SOX5: variants seen among roughly 807,000 people sequenced by gnomAD.
SOX5 encodes SRY-box transcription factor 5, also known as transcription factor SOX-5.
Under a neutral mutation model 92.0 loss-of-function variants are expected in SOX5, and 9 were observed. The observed-to-expected ratio is 0.10, with a 90% CI of 0.06 to 0.17. SOX5 has a LOEUF of 0.17. Ranked by LOEUF, SOX5 falls within the 10% of genes least tolerant of loss-of-function variation. The pLI, the probability that SOX5 is intolerant of heterozygous loss-of-function variation, is 1.00. For missense variants in SOX5, 642 were observed against 944.5 expected (o/e 0.68, Z 4.20); for synonymous variants, 344 against 336.3 (o/e 1.02, Z -0.25).
chr12:24,004,032 C>T (rs1407711472), intron 4 of SOX5, among the ~76,000 whole-genome samples: 1 of 151,876 alleles, frequency 6.6e-6, no homozygotes, highest in East Asian at 1.9e-4. Context: ...CACTAAGGTG[C>T]CAAAGCAATT....
At chr12:24,000,379 T>A (rs937929439) in intron 4 of SOX5, among the ~76,000 whole-genome samples, 2 of 152,044 alleles carry the variant, frequency 1.3e-5, no homozygotes, top group South Asian at 2.1e-4. Flanking sequence ...TATTTCTTAG[T>A]ATATATGTAA....
chr12:24,098,919 A>G (rs1201852857), intron 4 of SOX5, among the ~76,000 whole-genome samples: 1 of 152,130 alleles, frequency 6.6e-6, no homozygotes, highest in African/African-American at 2.4e-5. Flanking sequence ...TTTCTTGTTC[A>G]CTGGGTTTCA....
intron 6 of SOX5, among the ~76,000 whole-genome samples, chr12:23,711,620 T>C (rs1215956023): frequency 1.3e-5 from 2 of 152,214 alleles, no homozygotes; most frequent in African/African-American, 4.8e-5. Flanking sequence ...AAACTTGATA[T>C]AGCTTATAAA....
At chr12:24,152,631 C>A (rs1469169948) in intron 4 of SOX5, among the ~76,000 whole-genome samples, 2 of 151,950 alleles carry the variant, frequency 1.3e-5, no homozygotes, top group Admixed American at 1.3e-4. Context: ...GCTTACCCAC[C>A]AACATGAACA....
intron 4 of SOX5, among the ~76,000 whole-genome samples, chr12:24,113,344 T>G (rs1947600470): frequency 6.6e-6 from 1 of 150,898 alleles, no homozygotes; most frequent in Non-Finnish European, 1.5e-5. Flanking sequence ...TATTTTGAAA[T>G]GGTGAACAAC....
intron 2 of SOX5, among the ~76,000 whole-genome samples, chr12:24,325,260 G>C (rs1461717861): frequency 6.6e-6 from 1 of 152,096 alleles, no homozygotes; most frequent in Non-Finnish European, 1.5e-5. Flanking sequence ...TTTCAGTTGG[G>C]CTGATACCAT....
intron 8 of SOX5, among the ~76,000 whole-genome samples, chr12:23,625,497 T>C (rs76383872): frequency 0.023 from 3,530 of 152,334 alleles, 117 homozygotes; most frequent in African/African-American, 0.078. Flanking sequence ...CAGATATCTT[T>C]TTCTTTGATA....
rs531940908 is a variant in SOX5 at position 24,386,740 on chromosome 12, T to C, written c.-250-18101A>G. 3.3e-5 allele frequency among the ~76,000 whole-genome samples: 5 copies of C among 152,276 alleles called. No individual in the cohort carries two copies. The South Asian group carries it at 1.0e-3, about 32-fold the overall frequency. On this transcript the variant is annotated intron_variant, in intron 1 of 4. Transcript: ENST00000446891. ...AGTTAATTAAAATTACAATAGCACT[T>C]GTAGAAATAAAGAACAAGGAATCTA...
intron 3 of SOX5, among the ~76,000 whole-genome samples, chr12:24,248,009 G>C (rs1324719964): frequency 6.6e-6 from 1 of 152,082 alleles, no homozygotes; most frequent in Non-Finnish European, 1.5e-5. Context: ...TTTCTTTTAA[G>C]CTACTTCTTA....
At chr12:24,336,723 C>T (rs540397328) in intron 2 of SOX5, among the ~76,000 whole-genome samples, 74 of 152,262 alleles carry the variant, frequency 4.9e-4, no homozygotes, top group Admixed American at 4.8e-3. Context: ...AATGCCCTCT[C>T]CCTGTTAAAG....
intron 6 of SOX5, among the ~76,000 whole-genome samples, chr12:23,692,439 G>GAAAAAA (rs11427578): frequency 1.5e-5 from 2 of 132,708 alleles, no homozygotes; most frequent in Admixed American, 7.7e-5. Flanking sequence ...TACGCCTCAG[G>GAAAAAA]AAAAAAAAAA....
At chr12:23,806,868 T>A (rs1567926251) in intron 3 of SOX5, among the ~76,000 whole-genome samples, 1 of 152,208 alleles carries the variant, frequency 6.6e-6, no homozygotes, top group Non-Finnish European at 1.5e-5. Flanking sequence ...CTTTGGGCGA[T>A]AAAATGACTT....
At position 23,678,604 on chromosome 12, in the gene SOX5, A is replaced by G. The variant is rs184911267; in HGVS notation, c.811-13040T>C. Among the ~76,000 whole-genome samples, 94 of 152,222 alleles carry G rather than the reference A, an allele frequency of 6.2e-4. No homozygotes were observed. In the East Asian group the frequency reaches 0.014, roughly 23 times the overall value. On this transcript the variant is annotated intron_variant, in intron 6 of 14. Coordinates refer to ENST00000451604, the MANE Select transcript of SOX5 (RefSeq NM_006940.6). ...TTGATGGGCAGTTGTTAATGTTAAT[A>G]CCTATTCTGTTTCCCTCAGCTTCTT...
chr12:24,350,582 G>A (rs1052095652), intron 2 of SOX5, among the ~76,000 whole-genome samples: 1 of 152,120 alleles, frequency 6.6e-6, no homozygotes, highest in East Asian at 1.9e-4. Flanking sequence ...GGGCTCAAGC[G>A]AGCCTCCTGC....
chr12:23,561,080 TGAA>T (rs1298476022), intron 11 of SOX5, among the ~76,000 whole-genome samples: 7 of 152,212 alleles, frequency 4.6e-5, no homozygotes, highest in Non-Finnish European at 1.5e-5. Context: ...AAGTACATGA[TGAA>T]GAGATTCAGG....
intron 3 of SOX5, among the ~76,000 whole-genome samples, chr12:24,228,548 C>T (rs1209646273): frequency 2.0e-5 from 3 of 152,184 alleles, no homozygotes; most frequent in Non-Finnish European, 4.4e-5. Flanking sequence ...CACACACACA[C>T]TGGCAGCCGC....
chr12:24,269,987 G>A (rs1156955866), intron 3 of SOX5, among the ~76,000 whole-genome samples: 1 of 151,530 alleles, frequency 6.6e-6, no homozygotes, highest in African/African-American at 2.4e-5. Context: ...GCCCAGCCTG[G>A]TATTCTTTTC....
chr12:23,777,457 C>A (rs779597968), intron 3 of SOX5, among the ~76,000 whole-genome samples: 1 of 152,052 alleles, frequency 6.6e-6, no homozygotes, highest in Non-Finnish European at 1.5e-5. Context: ...CAATTCTGAG[C>A]TCACATTTTT....
chr12:23,654,583 C>G (rs767040688), intron 7 of SOX5, among the ~76,000 whole-genome samples: 1 of 152,020 alleles, frequency 6.6e-6, no homozygotes, highest in African/African-American at 2.4e-5. Context: ...ATAAGTTCAG[C>G]TATACTTTTT....
Sources: allele counts gnomAD v4.1 joint callset (sites outside exome capture counted in the v4.1 genomes callset), GRCh38; gene constraint gnomAD v4.1.1; transcripts MANE v1.5; gene names NCBI Gene and HGNC (gene_info 2026-07-23, HGNC 2026-07-21).